GSE1: variants seen among roughly 807,000 people sequenced by gnomAD.
GSE1 encodes the protein Gse1 coiled-coil protein.
A neutral mutation model predicts 112.6 loss-of-function variants in GSE1; 32 were observed. The ratio of observed to expected loss-of-function variants is 0.28; its 90% CI spans 0.21 to 0.38. The LOEUF is 0.38. Ranked by LOEUF, GSE1 falls within the 10% of genes least tolerant of loss-of-function variation. The pLI is 1.00. For synonymous variants in GSE1, 1,115 were observed against 735.6 expected (o/e 1.52, Z -8.35); for missense variants, 2,348 against 1,699.2 (o/e 1.38, Z -6.71).
chr16:85,385,239 G>A (rs2047661746), intron 2 of GSE1, among the ~76,000 whole-genome samples: 1 of 152,222 alleles, frequency 6.6e-6, no homozygotes, highest in South Asian at 2.1e-4. Flanking sequence ...TCCGGGGCAG[G>A]AGGCTGGGAG....
At chr16:85,459,727 C>A (rs1001957171) in intron 2 of GSE1, among the ~76,000 whole-genome samples, 1 of 152,220 alleles carries the variant, frequency 6.6e-6, no homozygotes, top group African/African-American at 2.4e-5. Context: ...TATTGAGGCC[C>A]TGAAAGTTAC....
chr16:85,491,865 C>G (rs1223053248), intron 2 of GSE1, among the ~76,000 whole-genome samples: 1 of 152,170 alleles, frequency 6.6e-6, no homozygotes, highest in Non-Finnish European at 1.5e-5. Context: ...CGAGGTCAGC[C>G]AGGGGGTGGC....
intron 2 of GSE1, among the ~76,000 whole-genome samples, chr16:85,413,866 T>G (rs1031698143): frequency 6.6e-6 from 1 of 152,180 alleles, no homozygotes; most frequent in African/African-American, 2.4e-5. Context: ...CCTTGTACTG[T>G]TCTCGTGATA....
At chr16:85,411,757 A>G (rs1350523929) in intron 2 of GSE1, among the ~76,000 whole-genome samples, 1 of 35,902 alleles carries the variant, frequency 2.8e-5, no homozygotes, top group Admixed American at 3.0e-4. Flanking sequence ...GATAATCCTC[A>G]CCGTTACACT....
chr16:85,239,525 G>A (rs573476088), intron 1 of GSE1, among the ~76,000 whole-genome samples: 1 of 152,356 alleles, frequency 6.6e-6, no homozygotes, highest in South Asian at 2.1e-4. Flanking sequence ...CCACCTGCAA[G>A]CCTTTCCTGG....
chr16:85,256,697 G>T (rs1177150849), intron 1 of GSE1, among the ~76,000 whole-genome samples: 1 of 152,274 alleles, frequency 6.6e-6, no homozygotes, highest in African/African-American at 2.4e-5. Context: ...CCGTCACGGG[G>T]TGCTGAGCCA....
At position 85,396,806 on chromosome 16, in the gene GSE1, A is replaced by G. The variant is rs568237028; in HGVS notation, c.2464+39163A>G. On this transcript the variant is annotated intron_variant, in intron 2 of 2. Transcript: ENST00000637419. ...TGTCTGGGAAGCGCAGGTCAGGGCCATGGGCTGGGCGGTTGCCTGTTTCCT... is the reference window on the plus strand; with the variant it reads ...TGTCTGGGAAGCGCAGGTCAGGGCCGTGGGCTGGGCGGTTGCCTGTTTCCT... Among the ~76,000 whole-genome samples the G allele has an allele frequency of 1.8e-3, 271 of 152,312 alleles. 1 individual carries two copies. The highest frequency in any genetic ancestry group is 6.3e-3 in the African/African-American group (260 of 41,572).
intron 2 of GSE1, among the ~76,000 whole-genome samples, chr16:85,360,392 C>T (rs904779731): frequency 1.3e-4 from 19 of 151,630 alleles, no homozygotes; most frequent in Admixed American, 3.3e-4. Flanking sequence ...GGGGCAGGGC[C>T]GGGGCACGAA....
At chr16:85,615,195 A>G (rs1458970097) in intron 1 of GSE1, among the ~76,000 whole-genome samples, 1 of 152,098 alleles carries the variant, frequency 6.6e-6, no homozygotes, top group Admixed American at 6.5e-5. Context: ...GCTGTGCCTG[A>G]CTCAGCCGCC....
At chr16:85,465,431 C>G (rs2050096758) in intron 2 of GSE1, among the ~76,000 whole-genome samples, 1 of 152,232 alleles carries the variant, frequency 6.6e-6, no homozygotes. Context: ...GGGCAAGTGA[C>G]CTCACCTCTC....
At chr16:85,549,211 G>C (rs1225495184) in intron 2 of GSE1, among the ~76,000 whole-genome samples, 1 of 146,362 alleles carries the variant, frequency 6.8e-6, no homozygotes, top group Non-Finnish European at 1.5e-5. Context: ...TCTTTGCTCT[G>C]TCGCCTAGGC....
At chr16:85,306,688 A>G (rs1050017275) in intron 1 of GSE1, among the ~76,000 whole-genome samples, 3 of 152,170 alleles carry the variant, frequency 2.0e-5, no homozygotes, top group African/African-American at 4.8e-5. Context: ...AGCTGGGACT[A>G]TAGGCATGTG....
At chr16:85,657,998 CAAG>C (rs1449995206) in intron 8 of GSE1, among the ~76,000 whole-genome samples, 2 of 152,188 alleles carry the variant, frequency 1.3e-5, no homozygotes, top group Admixed American at 1.3e-4. Flanking sequence ...CTTTTTTTAA[CAAG>C]AAGGGGACAG....
intron 2 of GSE1, among the ~76,000 whole-genome samples, chr16:85,429,679 CT>C (rs1342296347): frequency 6.6e-6 from 1 of 152,240 alleles, no homozygotes; most frequent in African/African-American, 2.4e-5. Flanking sequence ...GCCTCCTCCC[CT>C]GTCCTCAGAC....
chr16:85,240,255 TC>T (rs1386058922), intron 1 of GSE1, among the ~76,000 whole-genome samples: 1 of 152,190 alleles, frequency 6.6e-6, no homozygotes, highest in South Asian at 2.1e-4. Flanking sequence ...TGTTCCCTCC[TC>T]CCCAGTCATT....
intron 1 of GSE1, among the ~76,000 whole-genome samples, chr16:85,275,718 C>T (rs1052180126): frequency 6.6e-6 from 1 of 152,196 alleles, no homozygotes; most frequent in Non-Finnish European, 1.5e-5. Flanking sequence ...AGCTGCAGCC[C>T]TCCGCGTGGG....
intron 1 of GSE1, among the ~76,000 whole-genome samples, chr16:85,207,606 G>T (rs1012154167): frequency 6.6e-6 from 1 of 152,236 alleles, no homozygotes; most frequent in Non-Finnish European, 1.5e-5. Context: ...GCAGGCGCTG[G>T]TGTGAGGAGC....
intron 1 of GSE1, among the ~76,000 whole-genome samples, chr16:85,620,578 G>A (rs984898711): frequency 1.3e-5 from 2 of 152,242 alleles, no homozygotes; most frequent in Admixed American, 6.5e-5. Context: ...CGATCCACGC[G>A]GTCGTCTCTG....
chr16:85,619,563 C>G (rs764041098), intron 1 of GSE1, among the ~76,000 whole-genome samples: 3 of 152,200 alleles, frequency 2.0e-5, no homozygotes, highest in Non-Finnish European at 4.4e-5. Context: ...GGCGCTCTTA[C>G]GTGGTGTGAT....
Sources: allele counts gnomAD v4.1 joint callset (sites outside exome capture counted in the v4.1 genomes callset), GRCh38; gene constraint gnomAD v4.1.1; transcripts MANE v1.5; gene names NCBI Gene and HGNC (gene_info 2026-07-23, HGNC 2026-07-21).